DCLK2: variants seen among roughly 807,000 people sequenced by gnomAD.
DCLK2 encodes doublecortin like kinase 2.
In DCLK2, 31 loss-of-function variants were observed where a neutral mutation model predicts 78.4. That is an observed-to-expected ratio of 0.40 (90% confidence interval 0.30 to 0.53). DCLK2 has a LOEUF of 0.53. DCLK2 is among the 20% of genes least tolerant of loss of function. The probability of loss-of-function intolerance (pLI) is 0.61; values close to 1 mark genes in which losing one functional copy is unlikely to be tolerated. For synonymous variants in DCLK2, 407 were observed against 374.9 expected (o/e 1.09, Z -0.99); for missense variants, 872 against 973.7 (o/e 0.90, Z 1.39).
chr4:150,248,882 C>G (rs1318560173), intron 14 of DCLK2, among the ~76,000 whole-genome samples: 1 of 152,080 alleles, frequency 6.6e-6, no homozygotes, highest in Admixed American at 6.5e-5. Flanking sequence ...CCCAGAGGCT[C>G]AGGTGGTCTC....
At chr4:150,228,773 T>A (rs1048388357) in intron 8 of DCLK2, among the ~76,000 whole-genome samples, 1 of 152,124 alleles carries the variant, frequency 6.6e-6, no homozygotes, top group East Asian at 1.9e-4. Flanking sequence ...ACGCCTGTAA[T>A]CCCAGCACTT....
chr4:150,253,442 G>T (rs1744331501), intron 15 of DCLK2: 1 of 1,289,562 alleles, frequency 7.8e-7, no homozygotes, highest in Admixed American at 2.3e-5. Context: ...AAAAAGTAAA[G>T]TTGATGGTGT....
At chr4:150,170,956 G>A (rs552284143) in intron 2 of DCLK2, among the ~76,000 whole-genome samples, 6 of 152,260 alleles carry the variant, frequency 3.9e-5, no homozygotes, top group African/African-American at 1.4e-4. Context: ...ATTCTGCCCA[G>A]TTTCAGAAAT....
At chr4:150,245,775 C>G (rs1743261201) in intron 12 of DCLK2, among the ~76,000 whole-genome samples, 1 of 152,140 alleles carries the variant, frequency 6.6e-6, no homozygotes, top group African/African-American at 2.4e-5. Context: ...CATTGATGGA[C>G]ATTTGAAATA....
Position 150,086,504 on chromosome 4 carries a change from TTA to T in DCLK2, c.421+7058_421+7059del, listed in dbSNP as rs1397539740. ...GACAGCTATCACAACCAGATTCTTT[TTA>T]TTTTTTTTTTTTTTTTTTGAGACTG... On this transcript the variant is annotated intron_variant, in intron 1 of 15. Transcript: ENST00000296550. 1.7e-4 allele frequency among the ~76,000 whole-genome samples: 6 copies of T among 35,406 alleles called. No individual in the cohort carries two copies. The South Asian group carries it at 2.1e-3, about 13-fold the overall frequency. 23.2% of individuals were successfully genotyped at this position (35,406 alleles called of 152,430 possible). A position where few individuals can be genotyped will look rare whatever the true frequency, so the allele number is the denominator to read the frequency against.
At chr4:150,138,438 G>C (rs28605560) in intron 2 of DCLK2, among the ~76,000 whole-genome samples, 4 of 152,080 alleles carry the variant, frequency 2.6e-5, no homozygotes, top group Non-Finnish European at 5.9e-5. Context: ...GTGAAACCCC[G>C]TCTCTACTAT....
chr4:150,131,556 A>G (rs1047281935), intron 2 of DCLK2, among the ~76,000 whole-genome samples: 1 of 152,146 alleles, frequency 6.6e-6, no homozygotes, highest in Non-Finnish European at 1.5e-5. Context: ...GGAACCCATG[A>G]AAATATCTTG....
At chr4:150,090,116 G>A (rs904981180) in intron 1 of DCLK2, among the ~76,000 whole-genome samples, 8 of 150,752 alleles carry the variant, frequency 5.3e-5, no homozygotes, top group East Asian at 2.0e-4. Context: ...CAAAATAAAC[G>A]CCCTATGGGC....
chr4:150,229,425 G>T (rs888563530), intron 8 of DCLK2, among the ~76,000 whole-genome samples: 2 of 152,146 alleles, frequency 1.3e-5, no homozygotes, highest in African/African-American at 4.8e-5. Context: ...GGATTCAGAG[G>T]CCACCAAGGA....
intron 5 of DCLK2, among the ~76,000 whole-genome samples, chr4:150,205,883 C>T (rs913140419): frequency 2.6e-5 from 4 of 152,206 alleles, no homozygotes; most frequent in African/African-American, 4.8e-5. Flanking sequence ...TCCCCCAGGC[C>T]ATTGCCCCAG....
chr4:150,234,378 TC>T lies in DCLK2; in HGVS notation c.1566+1551del, dbSNP rs1445440312. 7.9e-5 allele frequency among the ~76,000 whole-genome samples: 12 copies of T among 152,300 alleles called. No individual in the cohort carries two copies. The East Asian group carries it at 2.1e-3, about 27-fold the overall frequency. ...AGGTTTGTGTCTAATTATCTTTATA[TC>T]TCCAATGGTTTGGATGGTGACACGT... On this transcript the variant is annotated intron_variant, in intron 10 of 15. Transcript: ENST00000296550.
At chr4:150,251,809 C>T (rs1377279060) in intron 15 of DCLK2, among the ~76,000 whole-genome samples, 1 of 146,908 alleles carries the variant, frequency 6.8e-6, no homozygotes, top group African/African-American at 2.5e-5. Context: ...ATGGATTGAG[C>T]GTCCACCAGG....
intron 5 of DCLK2, among the ~76,000 whole-genome samples, chr4:150,214,612 C>T (rs1029120305): frequency 6.6e-6 from 1 of 152,126 alleles, no homozygotes; most frequent in African/African-American, 2.4e-5. Context: ...AGAGTTGCCA[C>T]AGAGAACCTG....
At chr4:150,120,648 T>C (rs900730899) in intron 2 of DCLK2, among the ~76,000 whole-genome samples, 1 of 152,216 alleles carries the variant, frequency 6.6e-6, no homozygotes, top group Non-Finnish European at 1.5e-5. Context: ...AAAATGAATA[T>C]TGTAATAAAG....
chr4:150,121,365 A>T (rs1198054556), intron 2 of DCLK2, among the ~76,000 whole-genome samples: 10 of 152,224 alleles, frequency 6.6e-5, no homozygotes, highest in Admixed American at 6.5e-4. Context: ...AACAATGTTC[A>T]TGGCATCTAT....
chr4:150,108,279 C>T (rs945902444), intron 2 of DCLK2, among the ~76,000 whole-genome samples: 15 of 151,876 alleles, frequency 9.9e-5, no homozygotes, highest in Non-Finnish European at 1.5e-4. Context: ...GATGCTGAGG[C>T]GGGTGGATCA....
At chr4:150,116,141 C>T (rs1273987467) in intron 2 of DCLK2, among the ~76,000 whole-genome samples, 4 of 152,188 alleles carry the variant, frequency 2.6e-5, no homozygotes, top group African/African-American at 4.8e-5. Flanking sequence ...CTTTATACCT[C>T]GTGCAAGCCT....
intron 2 of DCLK2, among the ~76,000 whole-genome samples, chr4:150,176,304 C>T (rs527896990): frequency 3.9e-5 from 6 of 152,304 alleles, no homozygotes; most frequent in Admixed American, 6.5e-5. Context: ...TGAGTGCCTA[C>T]GGCACAGGCG....
At chr4:150,097,071 C>CT (rs1370319375) in intron 1 of DCLK2, among the ~76,000 whole-genome samples, 4 of 151,722 alleles carry the variant, frequency 2.6e-5, no homozygotes, top group African/African-American at 9.7e-5. Context: ...GGAGAGCACT[C>CT]TGTCACTGAA....
Sources: allele counts gnomAD v4.1 joint callset (sites outside exome capture counted in the v4.1 genomes callset), GRCh38; gene constraint gnomAD v4.1.1; transcripts MANE v1.5; gene names NCBI Gene and HGNC (gene_info 2026-07-23, HGNC 2026-07-21).